LAMB4: variants seen among roughly 807,000 people sequenced by gnomAD.
The protein encoded by LAMB4 is laminin subunit beta-4.
In LAMB4, 196 loss-of-function variants were observed where a neutral mutation model predicts 199.2. The ratio of observed to expected loss-of-function variants is 0.98; its 90% confidence interval spans 0.88 to 1.11. The LOEUF (loss-of-function observed/expected upper bound fraction) is 1.11, where lower values mean the gene tolerates loss of function less well. Among genes scored for constraint, LAMB4 ranks in the 50% least tolerant of loss-of-function variants. The pLI is 0.00. For synonymous variants in LAMB4, 744 were observed against 770.6 expected (o/e 0.97, Z 0.57); for missense variants, 2,080 against 2,171.2 (o/e 0.96, Z 0.83).
intron 17 of LAMB4, among the ~76,000 whole-genome samples, chr7:108,073,453 AAC>A (rs1391136923): frequency 6.6e-6 from 1 of 152,214 alleles, no homozygotes; most frequent in Non-Finnish European, 1.5e-5. Flanking sequence ...TTTTACTCTA[AAC>A]ACAGTTTTAT....
At chr7:108,056,387 C>T (rs1331599228) in intron 24 of LAMB4, among the ~76,000 whole-genome samples, 1 of 152,164 alleles carries the variant, frequency 6.6e-6, no homozygotes, top group Non-Finnish European at 1.5e-5. Flanking sequence ...TCTAAGAAGT[C>T]CCATGGTCAC....
chr7:108,113,338 T>G (rs1056766085), intron 3 of LAMB4, among the ~76,000 whole-genome samples: 2 of 152,226 alleles, frequency 1.3e-5, no homozygotes, highest in Admixed American at 6.5e-5. Context: ...TAGAATAGTG[T>G]GTGGTACATA....
intron 17 of LAMB4, among the ~76,000 whole-genome samples, chr7:108,074,292 A>G (rs1460428385): frequency 3.3e-5 from 5 of 152,176 alleles, no homozygotes; most frequent in African/African-American, 1.2e-4. Context: ...CTTAACTTTT[A>G]TTCATACTTC....
Position 108,055,738 on chromosome 7 carries a change from A to C in LAMB4, c.3649T>G (p.Phe1217Val), listed in dbSNP as rs377464119. 170 of 1,614,072 alleles carry C rather than the reference A, an allele frequency of 1.1e-4. No homozygotes were observed. The African/African-American group carries it at 2.0e-3, about 19-fold the overall frequency. The change falls in exon 25 of 34, where the codon TTC becomes GTC. Residue 1217 changes from phenylalanine to valine, a missense_variant. Transcript: ENST00000388781. ...RETLPVCEADFKDLRGNVSEI... is the reference protein window; with the variant it reads ...RETLPVCEADVKDLRGNVSEI... The stretch of plus-strand genomic sequence containing the variant: ...GACACGTTCCCTCTGAGGTCTTTGA[A>C]GTCTGCCTCACAGACAGGCAGGGTC...
At chr7:108,109,495 C>T (rs1171392506) in intron 4 of LAMB4, among the ~76,000 whole-genome samples, 1 of 152,148 alleles carries the variant, frequency 6.6e-6, no homozygotes, top group Non-Finnish European at 1.5e-5. Flanking sequence ...CACTATGTGG[C>T]AGCATTACAT....
chr7:108,106,088 C>T (rs2150657106), intron 7 of LAMB4, 57 bp from the exon 8 acceptor site: 1 of 1,238,774 alleles, frequency 8.1e-7, no homozygotes, highest in Non-Finnish European at 1.2e-6. Context: ...GTTCAAGGGA[C>T]TCTTCTTGAC....
At chr7:108,013,746 A>T in the LAMB4 span, among the ~76,000 whole-genome samples, 1 of 152,214 alleles carries the variant, frequency 6.6e-6, no homozygotes, top group Non-Finnish European at 1.5e-5. Flanking sequence ...TTGCCAAATT[A>T]TGCACAGAAA....
intron 14 of LAMB4, among the ~76,000 whole-genome samples, chr7:108,086,938 T>A (rs2037203367): frequency 6.6e-6 from 1 of 152,102 alleles, no homozygotes; most frequent in Non-Finnish European, 1.5e-5. Context: ...CTGAGGGAAT[T>A]AGGGGAGGGG....
In LAMB4 at chr7:108,079,625, GGT is replaced by G. The variant is rs774982842; in HGVS notation, c.1861_1862del (p.Thr621HisfsTer6). Reference protein sequence around the residue: ...VNNIPFPVDFTIAIHYETQSA... With the variant: ...VNNIPFPVDFXIAIHYETQSA... ...CCTGGGTTTCATAGTGAATGGCAAT[GGT>G]GAAGTCCACAGGAAAGGGAATGTTG... On this transcript the variant is annotated frameshift_variant, in exon 15 of 34. Transcript: ENST00000388781. LOFTEE classifies it high-confidence loss of function. 6.2e-7 allele frequency: 1 copy of G among 1,609,420 alleles called. No homozygotes were observed. The highest frequency in any genetic ancestry group is 8.5e-7 in the Non-Finnish European group (1 of 1,178,498).
At chr7:108,110,588 C>A (rs75716418) in intron 4 of LAMB4, among the ~76,000 whole-genome samples, 2 of 152,144 alleles carry the variant, frequency 1.3e-5, no homozygotes, top group African/African-American at 4.8e-5. Context: ...GGGTCCTAAC[C>A]CTTTCTAGGA....
Position 108,102,949 on chromosome 7 carries a change from T to C in LAMB4, c.1180+95A>G, listed in dbSNP as rs2037863987. 68 of 1,049,936 alleles carry C rather than the reference T, an allele frequency of 6.5e-5. No individual in the cohort carries two copies. The South Asian group carries it at 1.5e-3, about 24-fold the overall frequency. The allele number at this position is 1,049,936 out of a possible 1,614,324, so 65.0% of individuals were successfully genotyped here. A position where few individuals can be genotyped will look rare whatever the true frequency, so the allele number is the denominator to read the frequency against. On this transcript the variant is annotated intron_variant, in intron 10 of 33. Coordinates refer to ENST00000388781, the MANE Select transcript of LAMB4 (RefSeq NM_007356.3). ...TCTCCAAAATAGGGTAGTTTGGAGATGCCGTTAAGCAGATAAGGTGCGGGC... is the reference window on the plus strand; with the variant it reads ...TCTCCAAAATAGGGTAGTTTGGAGACGCCGTTAAGCAGATAAGGTGCGGGC...
chr7:108,128,215 A>AT (rs2038861983), intron 1 of LAMB4, among the ~76,000 whole-genome samples: 1 of 152,122 alleles, frequency 6.6e-6, no homozygotes, highest in African/African-American at 2.4e-5. Context: ...CCTTACATAC[A>AT]GCCATGGGTC....
At chr7:108,121,576 C>A (rs922088744) in intron 2 of LAMB4, among the ~76,000 whole-genome samples, 15 of 151,748 alleles carry the variant, frequency 9.9e-5, no homozygotes, top group Admixed American at 9.9e-4. Context: ...ATGGTGAAAC[C>A]CTGTCTCTAC....
intron 30 of LAMB4, among the ~76,000 whole-genome samples, chr7:108,035,136 C>A (rs1563033182): frequency 6.6e-6 from 1 of 152,172 alleles, no homozygotes; most frequent in Non-Finnish European, 1.5e-5. Flanking sequence ...CATCATCCCA[C>A]CGCCACCACC....
chr7:108,091,720 C>T lies in LAMB4; in HGVS notation c.1607G>A (p.Cys536Tyr), dbSNP rs762841849. 6.2e-7 allele frequency: 1 copy of T among 1,614,074 alleles called. No homozygotes were observed. The highest frequency in any genetic ancestry group is 1.3e-5 in the African/African-American group (1 of 74,934). The change falls in exon 14 of 34, where the codon TGC becomes TAC. Residue 536 changes from cysteine to tyrosine, a missense_variant. Cys to Tyr is a radical substitution (Grantham distance 194). Transcript: ENST00000388781. The part of the protein sequence containing the change: ...ECRPHVTGRS[C>Y]SEPAPGYFFA... ...GAAGTAGCCAGGGGCTGGTTCAGAG[C>T]AGCTACGGCCAGTGACATGTGGGCG...
intron 10 of LAMB4, 25 bp downstream of exon 10, chr7:108,103,019 G>T: frequency 6.5e-7 from 1 of 1,539,672 alleles, no homozygotes; most frequent in Non-Finnish European, 8.8e-7. Flanking sequence ...CAGTGGGTAG[G>T]ATCCAGGCAG....
intron 11 of LAMB4, among the ~76,000 whole-genome samples, chr7:108,096,883 C>CTA (rs1223053410): frequency 1.3e-4 from 17 of 130,876 alleles, no homozygotes; most frequent in Admixed American, 3.5e-4. Flanking sequence ...CTGCAGTGAG[C>CTA]TATGATTGTG....
At chr7:108,082,617 T>C (rs753304426) in intron 14 of LAMB4, among the ~76,000 whole-genome samples, 2 of 152,168 alleles carry the variant, frequency 1.3e-5, no homozygotes, top group Non-Finnish European at 2.9e-5. Flanking sequence ...GAACCACCTA[T>C]TGATAATTTT....
chr7:108,027,847 ATC>A (rs1171168437), intron 33 of LAMB4, among the ~76,000 whole-genome samples: 1 of 152,128 alleles, frequency 6.6e-6, no homozygotes, highest in African/African-American at 2.4e-5. Context: ...CAGTGGCGTG[ATC>A]TTGGCTCACC....
Sources: gnomAD v4.1 joint callset for allele counts (sites outside exome capture counted in the v4.1 genomes callset) on GRCh38, gnomAD v4.1.1 for gene constraint, MANE v1.5 for transcripts, NCBI Gene and HGNC (gene_info 2026-07-23, HGNC 2026-07-21) for gene names.